RASGRF2: variants seen among roughly 807,000 people sequenced by gnomAD.
The protein encoded by RASGRF2 is Ras protein specific guanine nucleotide releasing factor 2.
A neutral mutation model predicts 151.0 loss-of-function variants in RASGRF2; 76 were observed. The observed-to-expected ratio is 0.50, with a 90% CI of 0.42 to 0.61. The LOEUF (loss-of-function observed/expected upper bound fraction) is 0.61, where lower values mean the gene tolerates loss of function less well. Ranked by LOEUF, RASGRF2 falls within the 20% of genes least tolerant of loss-of-function variation. The pLI is 0.00. For missense variants in RASGRF2, 1,148 were observed against 1,564.6 expected (o/e 0.73, Z 4.49); for synonymous variants, 504 against 566.5 (o/e 0.89, Z 1.57).
chr5:81,195,254 C>T (rs1454141597), intron 18 of RASGRF2, among the ~76,000 whole-genome samples: 2 of 152,198 alleles, frequency 1.3e-5, no homozygotes, highest in Non-Finnish European at 2.9e-5. Context: ...TCGATTGCTG[C>T]CTCCGAGAAG....
At chr5:81,123,800 C>T (rs1303331960) in intron 16 of RASGRF2, 33 bp downstream of exon 16, 9 of 1,583,306 alleles carry the variant, frequency 5.7e-6, no homozygotes, top group South Asian at 2.3e-5. Flanking sequence ...GAAATAGAAA[C>T]GTGAAAAATG....
intron 17 of RASGRF2, among the ~76,000 whole-genome samples, chr5:81,152,288 C>T (rs532457924): frequency 2.0e-4 from 31 of 152,292 alleles, no homozygotes; most frequent in Non-Finnish European, 4.1e-4. Flanking sequence ...AGGCATGAAC[C>T]ACTGCACCTG....
chr5:81,056,466 C>T lies in RASGRF2; in HGVS notation c.396-11566C>T, dbSNP rs953203356. Among the ~76,000 whole-genome samples, 10 of 152,218 alleles carry T rather than the reference C, an allele frequency of 6.6e-5. 1 individual carries two copies. The highest frequency in any genetic ancestry group is 1.4e-4 in the African/African-American group (6 of 41,532). On this transcript the variant is annotated intron_variant, in intron 2 of 26. Coordinates refer to ENST00000265080, the MANE Select transcript of RASGRF2 (RefSeq NM_006909.3). ...AGTGAGTTTCTTAATCCTGAGTTCT[C>T]GTTTGATTGCACTGTGGTCTGAGAG...
At chr5:81,025,518 C>T (rs1441919741) in intron 1 of RASGRF2, among the ~76,000 whole-genome samples, 3 of 152,176 alleles carry the variant, frequency 2.0e-5, no homozygotes, top group Non-Finnish European at 4.4e-5. Flanking sequence ...TTTATGATCT[C>T]CAAGAGTTTG....
rs994197155 is a variant in RASGRF2 at position 80,982,884 on chromosome 5, G to A, written c.288+21858G>A. Among the ~76,000 whole-genome samples, 38 of 152,196 alleles carry A rather than the reference G, an allele frequency of 2.5e-4. 1 individual carries two copies. The highest frequency in any genetic ancestry group is 8.4e-4 in the African/African-American group (35 of 41,502). On this transcript the variant is annotated intron_variant, in intron 1 of 26. Coordinates refer to ENST00000265080, the MANE Select transcript of RASGRF2 (RefSeq NM_006909.3). ...CAAAGTGCTGGGATTACAGGTGTGA[G>A]CCACCGCGCCCAGCCAGGAATTTGG...
intron 1 of RASGRF2, among the ~76,000 whole-genome samples, chr5:81,009,429 A>T (rs907696474): frequency 6.6e-6 from 1 of 152,268 alleles, no homozygotes; most frequent in Admixed American, 6.5e-5. Flanking sequence ...TAAAATTGTG[A>T]TGTGAGTGTT....
chr5:81,009,402 T>C (rs916509855), intron 1 of RASGRF2, among the ~76,000 whole-genome samples: 5 of 152,160 alleles, frequency 3.3e-5, no homozygotes, highest in Non-Finnish European at 5.9e-5. Context: ...GCATCACATA[T>C]GGGGCCACTC....
At chr5:81,035,650 C>G (rs1323684696) in intron 1 of RASGRF2, among the ~76,000 whole-genome samples, 1 of 151,358 alleles carries the variant, frequency 6.6e-6, no homozygotes. Flanking sequence ...AATAGACTGG[C>G]TAAGTTTATG....
chr5:81,151,503 C>T (rs902686776), intron 17 of RASGRF2, among the ~76,000 whole-genome samples: 2 of 151,030 alleles, frequency 1.3e-5, no homozygotes, highest in African/African-American at 4.9e-5. Flanking sequence ...TGACACTCTT[C>T]TACTGCCTGG....
Position 81,070,501 on chromosome 5 carries a change from C to A in RASGRF2, c.553C>A (p.Leu185Ile). The change falls in exon 4 of 27, where the codon CTT becomes ATT. Residue 185 changes from leucine (L) to isoleucine (I), a missense_variant. By Grantham distance (5) the Leu-to-Ile change is conservative. This residue lies in a region of RASGRF2 where 221 missense variants were observed against 271.3 expected (regional missense o/e 0.81). Coordinates refer to ENST00000265080, the MANE Select transcript of RASGRF2 (RefSeq NM_006909.3). ...IERLKSEIIA[L>I]NKTKERMRPY... ...CAACTTTGTGTTCCAGATTATTGCT[C>A]TTAATAAAACCAAAGAACGAATGCG... The A allele has an allele frequency of 6.2e-7, 1 of 1,602,366 alleles. No individual in the cohort carries two copies. The highest frequency in any genetic ancestry group is 1.1e-5 in the South Asian group (1 of 90,778).
chr5:81,156,162 G>A (rs1754257019), intron 17 of RASGRF2, among the ~76,000 whole-genome samples: 1 of 152,004 alleles, frequency 6.6e-6, no homozygotes, highest in Non-Finnish European at 1.5e-5. Context: ...TCTGAACAGA[G>A]CTATAATAAA....
chr5:80,966,948 T>C (rs1051709087), intron 1 of RASGRF2, among the ~76,000 whole-genome samples: 1 of 152,168 alleles, frequency 6.6e-6, no homozygotes, highest in African/African-American at 2.4e-5. Flanking sequence ...GTTAAAAAAC[T>C]GTAAAGCAAG....
intron 2 of RASGRF2, among the ~76,000 whole-genome samples, chr5:81,053,264 T>A (rs1385559731): frequency 6.5e-5 from 9 of 139,422 alleles, no homozygotes; most frequent in East Asian, 4.8e-4. Flanking sequence ...TCCTAATGTT[T>A]TCCCTCCCCC....
rs532911945 is a variant in RASGRF2 at position 81,161,685 on chromosome 5, A to G, written c.2687-18490A>G. ...ACAGCTGCAGAGGATCTCTTAGACA[A>G]TATATAAATATTGTTTGTCCCTAGT... On this transcript the variant is annotated intron_variant, in intron 17 of 26. Transcript: ENST00000265080. Among the ~76,000 whole-genome samples, 64 of 152,334 alleles carry G rather than the reference A, an allele frequency of 4.2e-4. 1 individual carries two copies. The highest frequency in any genetic ancestry group is 7.5e-4 in the Non-Finnish European group (51 of 68,030).
chr5:80,978,150 GA>G (rs979288242), intron 1 of RASGRF2, among the ~76,000 whole-genome samples: 1 of 152,042 alleles, frequency 6.6e-6, no homozygotes, highest in Non-Finnish European at 1.5e-5. Flanking sequence ...TTCTTCAGAG[GA>G]AATACATAGC....
intron 1 of RASGRF2, among the ~76,000 whole-genome samples, chr5:81,012,529 C>T (rs779558712): frequency 1.9e-4 from 29 of 152,204 alleles, no homozygotes; most frequent in Admixed American, 7.2e-4. Flanking sequence ...GGAATCTAGA[C>T]GGCGTCTGTC....
chr5:81,207,392 C>T lies in RASGRF2; in HGVS notation c.3071+43C>T. On this transcript the variant is annotated intron_variant, in intron 21 of 26. Coordinates refer to ENST00000265080, the MANE Select transcript of RASGRF2 (RefSeq NM_006909.3). ...CAGCAGCAGGGCTCGGCTGCTCTAG[C>T]TGTCTTAGAAGTTGACATTATTCCT... 3 of 1,521,366 alleles carry T rather than the reference C, an allele frequency of 2.0e-6. No homozygotes were observed. The East Asian group carries it at 6.8e-5, about 34-fold the overall frequency. 94.2% of individuals were successfully genotyped at this position (1,521,366 alleles called of 1,614,324 possible). A position where few individuals can be genotyped will look rare whatever the true frequency, so the allele number is the denominator to read the frequency against.
intron 17 of RASGRF2, among the ~76,000 whole-genome samples, chr5:81,175,437 T>C (rs1471321158): frequency 6.6e-6 from 1 of 152,196 alleles, no homozygotes; most frequent in Non-Finnish European, 1.5e-5. Context: ...CATGCTTTTA[T>C]CTTGCCTACA....
At chr5:81,159,567 G>T (rs775467078) in intron 17 of RASGRF2, among the ~76,000 whole-genome samples, 7 of 152,150 alleles carry the variant, frequency 4.6e-5, no homozygotes, top group Non-Finnish European at 8.8e-5. Context: ...TTGGGGGTGG[G>T]AACAGGGATT....
Sources: allele counts gnomAD v4.1 joint callset (sites outside exome capture counted in the v4.1 genomes callset), GRCh38; gene constraint gnomAD v4.1.1; regional missense constraint gnomAD v4.1.1; transcripts MANE v1.5; gene names NCBI Gene and HGNC (gene_info 2026-07-23, HGNC 2026-07-21).